HK2: variants seen among roughly 807,000 people sequenced by gnomAD.
HK2 encodes hexokinase 2.
In HK2, 42 loss-of-function variants were observed where a neutral mutation model predicts 92.9. That is an observed-to-expected ratio of 0.45 (90% CI 0.35 to 0.58). HK2 has a LOEUF of 0.58. Among genes scored for constraint, HK2 ranks in the 20% least tolerant of loss-of-function variants. HK2 has a pLI of 0.00. For synonymous variants in HK2, 422 were observed against 468.0 expected, an observed-to-expected ratio of 0.90 and a Z score of 1.27; for missense variants, 978 against 1,245.1, an observed-to-expected ratio of 0.79 and a Z score of 3.23.
chr2:74,885,914 A>G (rs922747389), intron 13 of HK2, among the ~76,000 whole-genome samples: 2 of 151,674 alleles, frequency 1.3e-5, no homozygotes, highest in African/African-American at 2.4e-5. Context: ...TGGCCACTCC[A>G]TAAGCAAAAC....
intron 3 of HK2, among the ~76,000 whole-genome samples, chr2:74,871,648 G>A (rs1689102359): frequency 6.6e-6 from 1 of 152,314 alleles, no homozygotes; most frequent in African/African-American, 2.4e-5. Flanking sequence ...ATTTCTCAGC[G>A]CTCTTCATGG....
rs146960066 is a variant in HK2 at position 74,853,518 on chromosome 2, A to AAACAACAAC, written c.64-736_64-728dup. The stretch of plus-strand genomic sequence containing the variant: ...GGTGACAGGGTGAGACTCAGCCTCA[A>AAACAACAAC]AACAACAACAACAACAACAACAACA... On this transcript the variant is annotated intron_variant, in intron 1 of 17. Coordinates refer to ENST00000290573, the MANE Select transcript of HK2 (RefSeq NM_000189.5). 8.0e-3 allele frequency among the ~76,000 whole-genome samples: 1,141 copies of AAACAACAAC among 143,472 alleles called. 7 individuals carry two copies. Among genetic ancestry groups the AAACAACAAC allele is most frequent in the East Asian group, 0.015 (72 of 4,804 alleles). 94.1% of individuals were successfully genotyped at this position (143,472 alleles called of 152,430 possible).
In HK2 at chr2:74,834,331, C is replaced by T. The variant is rs1057091098; in HGVS notation, c.-250C>T. 5.4e-4 allele frequency: 309 copies of T among 571,484 alleles called. No individual in the cohort carries two copies. The highest frequency in any genetic ancestry group is 8.6e-4 in the Non-Finnish European group (273 of 317,188). The allele number at this position is 571,484 out of a possible 1,614,324, so 35.4% of individuals were successfully genotyped here. On this transcript the variant is annotated 5_prime_UTR_variant, in exon 1 of 18. Coordinates refer to ENST00000290573, the MANE Select transcript of HK2 (RefSeq NM_000189.5). The surrounding 1 kb of genome is among the most constrained non-coding windows in gnomAD (Gnocchi z 4.2). ...AGTTAGCGCCTTGACGTGGGACAAC[C>T]GGACACGTCGCCAGGAGAGAACTGA... is the stretch of plus-strand genomic sequence containing the variant.
At chr2:74,842,298 A>G (rs74807776) in intron 1 of HK2, among the ~76,000 whole-genome samples, 6,444 of 152,312 alleles carry the variant, frequency 0.042, 451 homozygotes, top group African/African-American at 0.15. Flanking sequence ...CTGTACTTTC[A>G]GTATTTATAT....
chr2:74,877,396 G>A lies in HK2; in HGVS notation c.1031+75G>A, dbSNP rs1404880284. 11 of 1,544,098 alleles carry A rather than the reference G, an allele frequency of 7.1e-6. No homozygotes were observed. The Admixed American group carries it at 1.8e-4, about 26-fold the overall frequency. On this transcript the variant is annotated intron_variant, in intron 8 of 17. Coordinates refer to ENST00000290573, the MANE Select transcript of HK2 (RefSeq NM_000189.5). ...ACGGGTAGTTGGGGAATGAGGAGGG[G>A]GCTGTACCTTTTGACTCTTCAAGTA...
At position 74,834,191 on chromosome 2, in the gene HK2, G is replaced by C. The variant is rs1573344538; in HGVS notation, c.-390G>C. On this transcript the variant is annotated 5_prime_UTR_variant, in exon 1 of 18. Transcript: ENST00000290573. The surrounding 1 kb of genome is among the most constrained non-coding windows in gnomAD (Gnocchi z 4.2). ...GCCGCTGGCAACATCGTGTCACCCA[G>C]CTAAGAAAATCCGCGGGCCCGAGCC... The C allele has an allele frequency of 1.4e-5, 5 of 364,132 alleles. No individual in the cohort carries two copies. In the East Asian group the frequency reaches 3.5e-4, roughly 26 times the overall value. 22.6% of individuals were successfully genotyped at this position (364,132 alleles called of 1,614,324 possible).
intron 1 of HK2, chr2:74,835,147 G>C (rs986752805): frequency 4.1e-5 from 8 of 195,894 alleles, no homozygotes; most frequent in Non-Finnish European, 6.3e-5. Flanking sequence ...CGGCCCTGCG[G>C]GGGTGGGCTC....
At chr2:74,862,370 C>T (rs1038801959) in intron 2 of HK2, among the ~76,000 whole-genome samples, 1 of 152,244 alleles carries the variant, frequency 6.6e-6, no homozygotes, top group Non-Finnish European at 1.5e-5. Flanking sequence ...AGCTGTTCAG[C>T]TCATTCAACA....
chr2:74,849,145 T>C (rs1688509711), intron 1 of HK2, among the ~76,000 whole-genome samples: 1 of 152,228 alleles, frequency 6.6e-6, no homozygotes, highest in African/African-American at 2.4e-5. Flanking sequence ...TAAGTGCTGG[T>C]CTGGAGGAAA....
intron 10 of HK2, 68 bp downstream of exon 10, chr2:74,880,637 G>T (rs1191764326): frequency 3.4e-6 from 5 of 1,486,814 alleles, no homozygotes; most frequent in Non-Finnish European, 4.6e-6. Flanking sequence ...CCCTGGGAGG[G>T]ATCCCTTAGC....
chr2:74,838,438 G>A (rs1401429345), intron 1 of HK2, among the ~76,000 whole-genome samples: 1 of 152,184 alleles, frequency 6.6e-6, no homozygotes, highest in African/African-American at 2.4e-5. Context: ...ATGACCTGAG[G>A]CCGGTCCTGA....
In HK2 at chr2:74,881,397, C is replaced by A. The variant is rs538028773; in HGVS notation, c.1571-314C>A. Reference sequence around the variant, plus strand: ...CCCGGGCAAGTGATTTAACTATCAGCCAGATCCCAATCATCCTTAAGAGAG... The same window carrying A: ...CCCGGGCAAGTGATTTAACTATCAGACAGATCCCAATCATCCTTAAGAGAG... On this transcript the variant is annotated intron_variant, in intron 10 of 17. Coordinates refer to ENST00000290573, the MANE Select transcript of HK2 (RefSeq NM_000189.5). 5.9e-5 allele frequency among the ~76,000 whole-genome samples: 9 copies of A among 152,342 alleles called. No individual in the cohort carries two copies. The East Asian group carries it at 9.6e-4, about 16-fold the overall frequency.
chr2:74,867,869 C>A (rs1380807348), intron 3 of HK2, 85 bp downstream of exon 3: 3 of 1,500,544 alleles, frequency 2.0e-6, no homozygotes, highest in African/African-American at 1.4e-5. Context: ...CCGCTCCCAG[C>A]GTGTGGATAG....
At chr2:74,856,865 G>A (rs1354825617) in intron 2 of HK2, among the ~76,000 whole-genome samples, 1 of 152,188 alleles carries the variant, frequency 6.6e-6, no homozygotes, top group Non-Finnish European at 1.5e-5. Context: ...TGCACTTGGC[G>A]CTGGAGCACA....
rs918590464 is a variant in HK2 at position 74,877,086 on chromosome 2, T to C, written c.876-80T>C. 15 of 1,570,952 alleles carry C rather than the reference T, an allele frequency of 9.5e-6. No individual in the cohort carries two copies. In the South Asian group the frequency reaches 1.7e-4, roughly 17 times the overall value. On this transcript the variant is annotated intron_variant, in intron 7 of 17. Coordinates refer to ENST00000290573, the MANE Select transcript of HK2 (RefSeq NM_000189.5). ...ACCCTTAGTTGTGAAGTTGCACGTG[T>C]GCGCATCTTGCTTCAACAGGGAAGC...
intron 1 of HK2, among the ~76,000 whole-genome samples, chr2:74,848,319 C>A (rs1472137316): frequency 6.6e-6 from 1 of 152,170 alleles, no homozygotes; most frequent in Non-Finnish European, 1.5e-5. Flanking sequence ...TCCTAGAGAG[C>A]AGGGCTGTTG....
At position 74,874,257 on chromosome 2, in the gene HK2, T is replaced by G. The variant is rs1689170272; in HGVS notation, c.692-9T>G. On this transcript the variant is annotated splice_polypyrimidine_tract_variant and intron_variant, in intron 6 of 17. Transcript: ENST00000290573. ...CAGGCGTGTGCATAGCCGTCCCTTG[T>G]TTTGGCAGGCACGGGCAGCAACGCC... The G allele has an allele frequency of 6.2e-7, 1 of 1,614,000 alleles. No individual in the cohort carries two copies. Among genetic ancestry groups the G allele is most frequent in the Non-Finnish European group, 8.5e-7 (1 of 1,179,986 alleles).
At chr2:74,873,472 C>A in intron 5 of HK2, 101 bp downstream of exon 5, 1 of 781,250 alleles carries the variant, frequency 1.3e-6, no homozygotes, top group Admixed American at 2.2e-5. Flanking sequence ...TTACGTGGAG[C>A]TTAAGGAGAG....
In HK2 at chr2:74,860,535, C is replaced by A. The variant is rs79291549; in HGVS notation, c.226+6080C>A. ...CACAGTATTTGTTTTTTATGCAAGT[C>A]TTTTTTTATTTGTCATAATGTGGGA... On this transcript the variant is annotated intron_variant, in intron 2 of 17. Transcript: ENST00000290573. Among the ~76,000 whole-genome samples the A allele has an allele frequency of 5.9e-3, 898 of 152,190 alleles. 11 individuals are homozygous for A. Among genetic ancestry groups the A allele is most frequent in the African/African-American group, 0.02 (831 of 41,526 alleles).
Sources: allele counts gnomAD v4.1 joint callset (sites outside exome capture counted in the v4.1 genomes callset), GRCh38; gene constraint gnomAD v4.1.1; non-coding constraint Gnocchi (gnomAD v3.1); transcripts MANE v1.5; gene names NCBI Gene and HGNC (gene_info 2026-07-23, HGNC 2026-07-21).